RABL3: variants seen among roughly 807,000 people sequenced by gnomAD.
RABL3 encodes the protein RAB, member of RAS oncogene family like 3.
In RABL3, 31 loss-of-function variants were observed where a neutral mutation model predicts 31.8. That is an observed-to-expected ratio of 0.97 (90% CI 0.73 to 1.31). RABL3 has a LOEUF of 1.31. RABL3 is among the 40% of genes most tolerant of loss of function. RABL3 has a pLI of 0.00. For synonymous variants in RABL3, 97 were observed against 99.9 expected, an observed-to-expected ratio of 0.97 and a Z score of 0.18; for missense variants, 263 against 279.6, an observed-to-expected ratio of 0.94 and a Z score of 0.42.
At chr3:120,722,866 C>T in intron 2 of RABL3, among the ~76,000 whole-genome samples, 1 of 151,596 alleles carries the variant, frequency 6.6e-6, no homozygotes, top group South Asian at 2.1e-4. Context: ...AAATTGACAC[C>T]CTAACATCAC....
chr3:120,731,502 T>G (rs922789387), intron 1 of RABL3, among the ~76,000 whole-genome samples: 12 of 152,142 alleles, frequency 7.9e-5, no homozygotes, highest in Non-Finnish European at 1.8e-4. Context: ...CTCAGGGAAA[T>G]CTAGTTATTC....
intron 5 of RABL3, among the ~76,000 whole-genome samples, chr3:120,695,710 A>G (rs1387221560): frequency 6.6e-6 from 1 of 152,192 alleles, no homozygotes; most frequent in East Asian, 1.9e-4. Context: ...ATTGGGGCAT[A>G]TAAGAGACAA....
At chr3:120,697,027 G>A (rs1482150604) in intron 5 of RABL3, among the ~76,000 whole-genome samples, 1 of 152,202 alleles carries the variant, frequency 6.6e-6, no homozygotes, top group Non-Finnish European at 1.5e-5. Context: ...TGAGTTATTT[G>A]TTAAAACTGC....
chr3:120,696,592 AACACACACACACACACACACACAC>A (rs3037698), intron 5 of RABL3, among the ~76,000 whole-genome samples: 27 of 147,564 alleles, frequency 1.8e-4, no homozygotes, highest in African/African-American at 6.0e-4. Flanking sequence ...AAGTAGGAAT[AACACACACACACACACACACACAC>A]ACACACACAC....
At chr3:120,719,432 G>C (rs1708709501) in intron 2 of RABL3, among the ~76,000 whole-genome samples, 1 of 152,222 alleles carries the variant, frequency 6.6e-6, no homozygotes, top group Admixed American at 6.5e-5. Flanking sequence ...CAAGGGGTCA[G>C]GGAATTCCCC....
At chr3:120,720,063 C>T (rs1354810858) in intron 2 of RABL3, among the ~76,000 whole-genome samples, 1 of 152,152 alleles carries the variant, frequency 6.6e-6, no homozygotes, top group Admixed American at 6.5e-5. Context: ...CTGGTGATAC[C>T]CAGGCAAACA....
At chr3:120,722,530 G>A (rs1399976465) in intron 2 of RABL3, 1 of 152,142 alleles carries the variant, frequency 6.6e-6, no homozygotes, top group East Asian at 1.9e-4. Flanking sequence ...CGCCTTCCAT[G>A]ATCACGCCAT....
chr3:120,696,620 C>T (rs1413211484), intron 5 of RABL3, among the ~76,000 whole-genome samples: 1 of 151,760 alleles, frequency 6.6e-6, no homozygotes, highest in East Asian at 1.9e-4. Flanking sequence ...CACACACACA[C>T]ACACACACAT....
chr3:120,726,287 T>C (rs1708820148), intron 2 of RABL3, among the ~76,000 whole-genome samples: 1 of 152,220 alleles, frequency 6.6e-6, no homozygotes, highest in African/African-American at 2.4e-5. Flanking sequence ...AAAACCTCTT[T>C]ATTTCAAATT....
At chr3:120,706,169 C>A in intron 3 of RABL3, 55 bp from the exon 4 acceptor site, 1 of 1,162,676 alleles carries the variant, frequency 8.6e-7, no homozygotes, top group Non-Finnish European at 1.3e-6. Flanking sequence ...CTTCATTTCA[C>A]AATTGGCCAA....
rs192808317 is a variant in RABL3, at chr3:120,710,041, T to A, written c.139-132A>T. On this transcript the variant is annotated intron_variant, in intron 2 of 7. Transcript: ENST00000273375. Reference sequence around the variant, plus strand: ...GCTACCTCTTATCTTTTAAGCTTACTCTCTTTAATACTTTAATAATTTTTA... The same window carrying A: ...GCTACCTCTTATCTTTTAAGCTTACACTCTTTAATACTTTAATAATTTTTA... The A allele has an allele frequency of 1.5e-4, 94 of 620,506 alleles. No homozygotes were observed. In the African/African-American group the frequency reaches 1.6e-3, roughly 10 times the overall value. The allele number at this position is 620,506 out of a possible 1,614,324, so 38.4% of individuals were successfully genotyped here.
chr3:120,716,033 AT>A (rs1708664575), intron 2 of RABL3, among the ~76,000 whole-genome samples: 1 of 152,242 alleles, frequency 6.6e-6, no homozygotes, highest in African/African-American at 2.4e-5. Flanking sequence ...CTTAGTGAAG[AT>A]AGAGACTATT....
At position 120,687,782 on chromosome 3, in the gene RABL3, A is replaced by T. The variant is rs1322765551; in HGVS notation, c.*2041T>A. The T allele has an allele frequency of 6.6e-6, 1 of 150,530 alleles. No individual in the cohort carries two copies. The highest frequency in any genetic ancestry group is 2.4e-5 in the African/African-American group (1 of 41,226). 9.3% of individuals were successfully genotyped at this position (150,530 alleles called of 1,614,324 possible). On this transcript the variant is annotated 3_prime_UTR_variant, in exon 8 of 8. Coordinates refer to ENST00000273375, the MANE Select transcript of RABL3 (RefSeq NM_173825.5). Reference sequence around the variant, plus strand: ...AATAGTTTACTTTTATTATTTATTTATATATTTATATATTTATTTATTTAT... The same window carrying T: ...AATAGTTTACTTTTATTATTTATTTTTATATTTATATATTTATTTATTTAT...
At position 120,686,901 on chromosome 3, in the gene RABL3, T is replaced by C. The variant is rs567115943; in HGVS notation, c.*2922A>G. ...ATTCTTCTTGGTGTCTCTGTATCTG[T>C]GAGGATAAAGGGTACCTATGGAATG... On this transcript the variant is annotated 3_prime_UTR_variant, in exon 8 of 8. Coordinates refer to ENST00000273375, the MANE Select transcript of RABL3 (RefSeq NM_173825.5). 96 of 152,308 alleles carry C rather than the reference T, an allele frequency of 6.3e-4. No homozygotes were observed. Among genetic ancestry groups the C allele is most frequent in the African/African-American group, 2.2e-3 (93 of 41,576 alleles). 9.4% of individuals were successfully genotyped at this position (152,308 alleles called of 1,614,324 possible). A position where few individuals can be genotyped will look rare whatever the true frequency, so the allele number is the denominator to read the frequency against.
chr3:120,698,347 A>G, intron 5 of RABL3, 76 bp downstream of exon 5: 1 of 1,339,700 alleles, frequency 7.5e-7, no homozygotes, highest in Non-Finnish European at 1.0e-6. Context: ...TTTCACTAGA[A>G]TATATTATTT....
At chr3:120,715,155 T>C (rs1708653586) in intron 2 of RABL3, among the ~76,000 whole-genome samples, 1 of 152,202 alleles carries the variant, frequency 6.6e-6, no homozygotes, top group South Asian at 2.1e-4. Flanking sequence ...CATTAGTGCC[T>C]AGGATAATTT....
intron 2 of RABL3, chr3:120,710,269 A>G (rs1046571113): frequency 1.9e-5 from 3 of 157,696 alleles, no homozygotes; most frequent in Non-Finnish European, 4.2e-5. Flanking sequence ...CATGTCTACA[A>G]CCCAGCAACC....
intron 5 of RABL3, 74 bp downstream of exon 5, chr3:120,698,349 A>G: frequency 1.5e-6 from 2 of 1,350,510 alleles, no homozygotes; most frequent in Non-Finnish European, 2.1e-6. Context: ...TCACTAGAAT[A>G]TATTATTTGA....
In RABL3 at chr3:120,725,203, C is replaced by T. The variant is rs988618091; in HGVS notation, c.138+5493G>A. 7.6e-4 allele frequency among the ~76,000 whole-genome samples: 115 copies of T among 152,196 alleles called. 1 individual carries two copies. The highest frequency in any genetic ancestry group is 2.6e-3 in the African/African-American group (107 of 41,524). On this transcript the variant is annotated intron_variant, in intron 2 of 7. Transcript: ENST00000273375. ...CAAAAGACACATGAAAAAATGCTCA[C>T]CATCACTGGCCATCAGAGAAATGCA...
Sources: gnomAD v4.1 joint callset for allele counts (sites outside exome capture counted in the v4.1 genomes callset) on GRCh38, gnomAD v4.1.1 for gene constraint, MANE v1.5 for transcripts, NCBI Gene and HGNC (gene_info 2026-07-23, HGNC 2026-07-21) for gene names.